AVP: variants seen among roughly 807,000 people sequenced by gnomAD.
The protein encoded by AVP is vasopressin-neurophysin 2-copeptin.
A neutral mutation model predicts 11.1 loss-of-function variants in AVP; 9 were observed. The observed-to-expected ratio is 0.81, with a 90% CI of 0.49 to 1.42. AVP has a LOEUF of 1.42. Ranked by LOEUF, AVP falls within the 40% of genes most tolerant of loss-of-function variation. The pLI is 0.00. For synonymous variants in AVP, 106 were observed against 111.3 expected (o/e 0.95, Z 0.30); for missense variants, 206 against 238.5 (o/e 0.86, Z 0.90).
chr20:3,083,434 A>G lies in AVP; in HGVS notation c.121-256T>C, dbSNP rs1397966240. 6.6e-6 allele frequency among the ~76,000 whole-genome samples: 1 copy of G among 152,060 alleles called. No homozygotes were observed. The highest frequency in any genetic ancestry group is 2.4e-5 in the African/African-American group (1 of 41,380). The stretch of plus-strand genomic sequence containing the variant: ...TCAGCGTCCTCACCCTCAGCTAGGG[A>G]CGGGTCTCCCGTGGACTACAGCGTG... On this transcript the variant is annotated intron_variant, in intron 1 of 2. Coordinates refer to ENST00000380293, the MANE Select transcript of AVP (RefSeq NM_000490.5). The surrounding 1 kb of genome is among the most constrained non-coding windows in gnomAD (Gnocchi z 5.4).
In AVP at chr20:3,082,861, G is replaced by T. The variant is rs1194125591; in HGVS notation, c.323-59C>A. 1.8e-5 allele frequency: 22 copies of T among 1,219,650 alleles called. No homozygotes were observed. The highest frequency in any genetic ancestry group is 8.8e-5 in the Admixed American group (2 of 22,658). 75.6% of individuals were successfully genotyped at this position (1,219,650 alleles called of 1,614,324 possible). On this transcript the variant is annotated intron_variant, in intron 2 of 2. Coordinates refer to ENST00000380293, the MANE Select transcript of AVP (RefSeq NM_000490.5). The surrounding 1 kb of genome is among the most constrained non-coding windows in gnomAD (Gnocchi z 4.7). ...GGGCGGGCGCAGCTCGGGGTGCGGGGGGCCCACACCCTCCCTGCCGGGCCC... is the reference window on the plus strand; with the variant it reads ...GGGCGGGCGCAGCTCGGGGTGCGGGTGGCCCACACCCTCCCTGCCGGGCCC...
Position 3,082,639 on chromosome 20 carries a change from G to T in AVP, c.486C>A (p.Asp162Glu). 7.9e-7 allele frequency: 1 copy of T among 1,270,220 alleles called. No individual in the cohort carries two copies. The highest frequency in any genetic ancestry group is 9.9e-7 in the Non-Finnish European group (1 of 1,012,000). 78.7% of individuals were successfully genotyped at this position (1,270,220 alleles called of 1,614,324 possible). ...GGGGCGAGCGCGGGGCTCAGTAGGC[G>T]TCGGGCTGGGCGGGCTCGAAGGGCT... ...APEPFEPAQP[D>E]AY Residue 162 changes from aspartate to glutamate, a missense_variant, in exon 3 of 3, where the codon GAC (aspartate) becomes GAA (glutamate). Physicochemically the swap from Asp to Glu is conservative, Grantham distance 45. Around this residue, in one of 2 missense-constraint regions of AVP, gnomAD observed 106 missense variants for 89.2 expected, o/e 1.19. Transcript: ENST00000380293. This position sits in a 1 kb window ranked among gnomAD's most constrained non-coding sequence, Gnocchi z 4.7.
In AVP at chr20:3,084,586, T is replaced by C; in HGVS notation, c.89A>G (p.Lys30Arg). 2 of 1,613,978 alleles carry C rather than the reference T, an allele frequency of 1.2e-6. No homozygotes were observed. The highest frequency in any genetic ancestry group is 1.7e-6 in the Non-Finnish European group (2 of 1,180,026). Residue 30 changes from lysine to arginine, a missense_variant, in exon 1 of 3, where the codon AAG (lysine) becomes AGG (arginine). Around this residue, in one of 2 missense-constraint regions of AVP, gnomAD observed 100 missense variants for 149.3 expected, o/e 0.67. Transcript: ENST00000380293. ...CAGCTCCAGGTCGGACATGGCCCTCTTGCCGCCCCTCGGGCAGTTCTGGAA... is the reference window on the plus strand; with the variant it reads ...CAGCTCCAGGTCGGACATGGCCCTCCTGCCGCCCCTCGGGCAGTTCTGGAA... The part of the protein sequence containing the change: ...CYFQNCPRGG[K>R]RAMSDLELRQ...
At chr20:3,084,475 TC>T in intron 1 of AVP, 79 bp downstream of exon 1, 1 of 1,604,966 alleles carries the variant, frequency 6.2e-7, no homozygotes, top group East Asian at 2.2e-5. Context: ...ACCCATGACT[TC>T]CCTCTTTCCT....
chr20:3,084,353 C>A (rs2066126845), intron 1 of AVP, among the ~76,000 whole-genome samples: 1 of 152,236 alleles, frequency 6.6e-6, no homozygotes, highest in African/African-American at 2.4e-5. Flanking sequence ...CCTTCAGCCT[C>A]TCCCAGCCTC....
chr20:3,083,180 T>C lies in AVP; in HGVS notation c.121-2A>G, dbSNP rs922677724. 1.1e-5 allele frequency: 17 copies of C among 1,479,314 alleles called. No homozygotes were observed. Among genetic ancestry groups the C allele is most frequent in the Non-Finnish European group, 1.5e-5 (17 of 1,118,656 alleles). 91.6% of individuals were successfully genotyped at this position (1,479,314 alleles called of 1,614,324 possible). On this transcript the variant is annotated splice_acceptor_variant, in intron 1 of 2. Coordinates refer to ENST00000380293, the MANE Select transcript of AVP (RefSeq NM_000490.5). LOFTEE classifies it high-confidence loss of function. The surrounding 1 kb of genome is among the most constrained non-coding windows in gnomAD (Gnocchi z 5.4). ...GCCCCCGGGGCCGCAGGGGAGGCACTGCGGGGACGGGCGGGGTGAGCGGGA... is the reference window on the plus strand; with the variant it reads ...GCCCCCGGGGCCGCAGGGGAGGCACCGCGGGGACGGGCGGGGTGAGCGGGA...
At chr20:3,084,437 C>A in intron 1 of AVP, 118 bp downstream of exon 1, 1 of 1,558,192 alleles carries the variant, frequency 6.4e-7, no homozygotes, top group Non-Finnish European at 8.7e-7. Context: ...CCTCTTCCTC[C>A]CCCGAACTTC....
Position 3,082,942 on chromosome 20 carries a change from C to CG in AVP, c.322+34_322+35insC, listed in dbSNP as rs775089446. 3.4e-6 allele frequency: 3 copies of CG among 870,874 alleles called. No homozygotes were observed. Among genetic ancestry groups the CG allele is most frequent in the South Asian group, 2.5e-5 (1 of 39,574 alleles). 53.9% of individuals were successfully genotyped at this position (870,874 alleles called of 1,614,324 possible). On this transcript the variant is annotated intron_variant, in intron 2 of 2. Transcript: ENST00000380293. The surrounding 1 kb of genome is among the most constrained non-coding windows in gnomAD (Gnocchi z 4.7). ...GTCCCCCCCACCCAAGCGGTCTGCG[C>CG]CCCCCCCAGCCCCAGGCCCGCCCCC...
intron 1 of AVP, 105 bp downstream of exon 1, chr20:3,084,450 C>T (rs2148571708): frequency 6.3e-7 from 1 of 1,589,194 alleles, no homozygotes; most frequent in East Asian, 2.2e-5. Context: ...CGAACTTCCC[C>T]TAAAGGCTAC....
rs2066117488 is a variant in AVP at position 3,082,870 on chromosome 20, C to T, written c.323-68G>A. On this transcript the variant is annotated intron_variant, in intron 2 of 2. Coordinates refer to ENST00000380293, the MANE Select transcript of AVP (RefSeq NM_000490.5). This position sits in a 1 kb window ranked among gnomAD's most constrained non-coding sequence, Gnocchi z 4.7. ...CAGCTCGGGGTGCGGGGGGCCCACA[C>T]CCTCCCTGCCGGGCCCGACGCAGCC... is the stretch of plus-strand genomic sequence containing the variant. 1 of 1,224,300 alleles carries T rather than the reference C, an allele frequency of 8.2e-7. No homozygotes were observed. The highest frequency in any genetic ancestry group is 1.0e-6 in the Non-Finnish European group (1 of 984,498). The allele number at this position is 1,224,300 out of a possible 1,614,324, so 75.8% of individuals were successfully genotyped here.
Position 3,082,646 on chromosome 20 carries a change from TG to T in AVP, c.478del (p.Gln160SerfsTer?). On this transcript the variant is annotated frameshift_variant, in exon 3 of 3. Transcript: ENST00000380293. LOFTEE classifies it high-confidence loss of function. The surrounding 1 kb of genome is among the most constrained non-coding windows in gnomAD (Gnocchi z 4.7). ...GCGCGGGGCTCAGTAGGCGTCGGGC[TG>T]GGCGGGCTCGAAGGGCTCGGGCGCC... ...AGAPEPFEPAQPDAY is the reference protein window; with the variant it reads ...AGAPEPFEPAXPDAY 7.8e-7 allele frequency: 1 copy of T among 1,274,036 alleles called. No individual in the cohort carries two copies. The highest frequency in any genetic ancestry group is 2.8e-5 in the South Asian group (1 of 35,828). 78.9% of individuals were successfully genotyped at this position (1,274,036 alleles called of 1,614,324 possible). A position where few individuals can be genotyped will look rare whatever the true frequency, so the allele number is the denominator to read the frequency against.
chr20:3,084,499 A>T, intron 1 of AVP, 56 bp downstream of exon 1: 1 of 1,611,426 alleles, frequency 6.2e-7, no homozygotes, highest in Non-Finnish European at 8.5e-7. Flanking sequence ...CCCCTGACCC[A>T]GGGTGTCAGC....
In AVP at chr20:3,083,438, G is replaced by A. The variant is rs2066121975; in HGVS notation, c.121-260C>T. Among the ~76,000 whole-genome samples, 1 of 152,160 alleles carries A rather than the reference G, an allele frequency of 6.6e-6. No homozygotes were observed. The highest frequency in any genetic ancestry group is 6.5e-5 in the Admixed American group (1 of 15,280). Reference sequence around the variant, plus strand: ...CGTCCTCACCCTCAGCTAGGGACGGGTCTCCCGTGGACTACAGCGTGGGGA... The same window carrying A: ...CGTCCTCACCCTCAGCTAGGGACGGATCTCCCGTGGACTACAGCGTGGGGA... On this transcript the variant is annotated intron_variant, in intron 1 of 2. Coordinates refer to ENST00000380293, the MANE Select transcript of AVP (RefSeq NM_000490.5). This position sits in a 1 kb window ranked among gnomAD's most constrained non-coding sequence, Gnocchi z 5.4.
Position 3,082,799 on chromosome 20 carries a change from C to G in AVP, c.326G>C (p.Ser109Thr). The G allele has an allele frequency of 1.6e-6, 2 of 1,244,612 alleles. No individual in the cohort carries two copies. Among genetic ancestry groups the G allele is most frequent in the Non-Finnish European group, 2.0e-6 (2 of 996,952 alleles). The allele number at this position is 1,244,612 out of a possible 1,614,324, so 77.1% of individuals were successfully genotyped here. A position where few individuals can be genotyped will look rare whatever the true frequency, so the allele number is the denominator to read the frequency against. Residue 109 changes from serine (S) to threonine (T), a missense_variant, in exon 3 of 3, where the codon AGC becomes ACC. Physicochemically the swap from Ser to Thr is moderately conservative, Grantham distance 58. Coordinates refer to ENST00000380293, the MANE Select transcript of AVP (RefSeq NM_000490.5). The surrounding 1 kb of genome is among the most constrained non-coding windows in gnomAD (Gnocchi z 4.7). ...AAFGVCCNDE[S>T]CVTEPECREG... ...GCGGCACTCGGGCTCGGTCACGCAG[C>G]TCTCTGCCGGGAGGACGTGTGAGCA...
In AVP at chr20:3,082,958, GC is replaced by G. The variant is rs1421755218; in HGVS notation, c.322+18del. The G allele has an allele frequency of 8.8e-7, 1 of 1,140,524 alleles. No individual in the cohort carries two copies. The highest frequency in any genetic ancestry group is 1.9e-5 in the African/African-American group (1 of 52,690). The allele number at this position is 1,140,524 out of a possible 1,614,324, so 70.7% of individuals were successfully genotyped here. ...CGGTCTGCGCCCCCCCCAGCCCCAG[GC>G]CCGCCCCCGCCGCGCACCGTCGTTG... On this transcript the variant is annotated intron_variant, in intron 2 of 2. Coordinates refer to ENST00000380293, the MANE Select transcript of AVP (RefSeq NM_000490.5). This position sits in a 1 kb window ranked among gnomAD's most constrained non-coding sequence, Gnocchi z 4.7.
chr20:3,084,509 C>G, intron 1 of AVP, 46 bp downstream of exon 1: 5 of 1,612,526 alleles, frequency 3.1e-6, no homozygotes, highest in Non-Finnish European at 4.2e-6. Flanking sequence ...AGGGTGTCAG[C>G]ACTGCCCGCT....
rs1267190099 is a variant in AVP at position 3,082,740 on chromosome 20, G to T, written c.385C>A (p.Arg129=). Residue 129 remains arginine, a synonymous_variant, in exon 3 of 3, where the codon CGG becomes AGG. Coordinates refer to ENST00000380293, the MANE Select transcript of AVP (RefSeq NM_000490.5). The surrounding 1 kb of genome is among the most constrained non-coding windows in gnomAD (Gnocchi z 4.7). ...CCGTCCAGCTGCGTGGCGTTGCTCC[G>T]GTCGCTGGCGCGGGCGCGGCGGTGA... ...GFHRRARASD[R]SNATQLDGPA... is the part of the protein sequence containing the mutation. The T allele has an allele frequency of 3.1e-6, 4 of 1,279,836 alleles. No individual in the cohort carries two copies. The highest frequency in any genetic ancestry group is 1.6e-5 in the African/African-American group (1 of 64,326). 79.3% of individuals were successfully genotyped at this position (1,279,836 alleles called of 1,614,324 possible).
Position 3,083,161 on chromosome 20 carries a change from G to A in AVP, c.138C>T (p.Pro46=), listed in dbSNP as rs1301089218. 2 of 1,502,538 alleles carry A rather than the reference G, an allele frequency of 1.3e-6. No individual in the cohort carries two copies. The highest frequency in any genetic ancestry group is 2.1e-5 in the Admixed American group (1 of 47,666). 93.1% of individuals were successfully genotyped at this position (1,502,538 alleles called of 1,614,324 possible). A position where few individuals can be genotyped will look rare whatever the true frequency, so the allele number is the denominator to read the frequency against. Residue 46 remains proline, a synonymous_variant, in exon 2 of 3, where the codon CCC becomes CCT. Coordinates refer to ENST00000380293, the MANE Select transcript of AVP (RefSeq NM_000490.5). The surrounding 1 kb of genome is among the most constrained non-coding windows in gnomAD (Gnocchi z 5.4). ...GCCCGAAGCAGCGGCCTTTGCCCCCGGGGCCGCAGGGGAGGCACTGCGGGG... is the reference window on the plus strand; with the variant it reads ...GCCCGAAGCAGCGGCCTTTGCCCCCAGGGCCGCAGGGGAGGCACTGCGGGG... ...LELRQCLPCG[P]GGKGRCFGPS... is the part of the protein sequence containing the mutation.
At position 3,082,801 on chromosome 20, in the gene AVP, C is replaced by G; in HGVS notation, c.324G>C (p.Glu108Asp). ...GGCACTCGGGCTCGGTCACGCAGCT[C>G]TCTGCCGGGAGGACGTGTGAGCACG... is the stretch of plus-strand genomic sequence containing the variant. ...CAAFGVCCND[E>D]SCVTEPECRE... Residue 108 changes from glutamate (E) to aspartate (D), a missense_variant and splice_region_variant, in exon 3 of 3, where the codon GAG becomes GAC. By Grantham distance (45) the Glu-to-Asp change is conservative (BLOSUM62 2). Transcript: ENST00000380293. The surrounding 1 kb of genome is among the most constrained non-coding windows in gnomAD (Gnocchi z 4.7). 8.0e-7 allele frequency: 1 copy of G among 1,243,684 alleles called. No homozygotes were observed. Among genetic ancestry groups the G allele is most frequent in the African/African-American group, 1.6e-5 (1 of 63,612 alleles). The allele number at this position is 1,243,684 out of a possible 1,614,324, so 77.0% of individuals were successfully genotyped here.
Sources: allele counts gnomAD v4.1 joint callset (sites outside exome capture counted in the v4.1 genomes callset), GRCh38; gene constraint gnomAD v4.1.1; regional missense constraint gnomAD v4.1.1; non-coding constraint Gnocchi (gnomAD v3.1); transcripts MANE v1.5; gene names NCBI Gene and HGNC (gene_info 2026-07-23, HGNC 2026-07-21).